SMAD7: variants seen among roughly 807,000 people sequenced by gnomAD.
SMAD7 encodes MAD (mothers against decapentaplegic, Drosophila) homolog 7.
SMAD7 carries 8 observed loss-of-function variants against 38.7 expected under a neutral mutation model. The ratio of observed to expected loss-of-function variants is 0.21; its 90% confidence interval spans 0.12 to 0.37. The LOEUF (loss-of-function observed/expected upper bound fraction) is 0.37, where lower values mean the gene tolerates loss of function less well. SMAD7 is among the 10% of genes least tolerant of loss of function. The probability of loss-of-function intolerance (pLI) is 1.00; values close to 1 mark genes in which losing one functional copy is unlikely to be tolerated. For synonymous variants in SMAD7, 327 were observed against 265.1 expected, an observed-to-expected ratio of 1.23 and a Z score of -2.27; for missense variants, 477 against 577.9, an observed-to-expected ratio of 0.83 and a Z score of 1.79.
intron 3 of SMAD7, among the ~76,000 whole-genome samples, chr18:48,940,856 G>A (rs1343979700): frequency 6.6e-6 from 1 of 151,768 alleles, no homozygotes; most frequent in Non-Finnish European, 1.5e-5. Flanking sequence ...GGGCTTCACA[G>A]GTCACATGGC....
chr18:48,922,363 G>A (rs564909900), intron 3 of SMAD7, among the ~76,000 whole-genome samples: 92 of 152,230 alleles, frequency 6.0e-4, no homozygotes, highest in African/African-American at 2.2e-3. Flanking sequence ...GAGAAAACCA[G>A]GACCCAGAAA....
chr18:48,932,007 C>G (rs538278189), intron 3 of SMAD7, among the ~76,000 whole-genome samples: 1 of 152,192 alleles, frequency 6.6e-6, no homozygotes, highest in Non-Finnish European at 1.5e-5. Flanking sequence ...TGATTGTGCC[C>G]CCACTGAGCA....
intron 3 of SMAD7, among the ~76,000 whole-genome samples, chr18:48,936,404 C>T (rs926515960): frequency 3.3e-5 from 5 of 152,220 alleles, no homozygotes; most frequent in South Asian, 4.1e-4. Context: ...TGAATACATT[C>T]GGTGAACTGT....
intron 2 of SMAD7, among the ~76,000 whole-genome samples, chr18:48,943,964 G>T (rs747276910): frequency 5.3e-5 from 8 of 152,180 alleles, no homozygotes; most frequent in Non-Finnish European, 1.0e-4. Flanking sequence ...AGGCAGGCGT[G>T]GGGGTGAGGT....
intron 3 of SMAD7, among the ~76,000 whole-genome samples, chr18:48,922,851 C>T (rs1305380505): frequency 3.3e-5 from 5 of 152,184 alleles, no homozygotes; most frequent in East Asian, 3.9e-4. Flanking sequence ...CTGCAGGCCC[C>T]GCCCCGCTTC....
chr18:48,947,335 A>G (rs2070206330), intron 2 of SMAD7, among the ~76,000 whole-genome samples: 1 of 152,228 alleles, frequency 6.6e-6, no homozygotes, highest in South Asian at 2.1e-4. Flanking sequence ...TTAATTTATG[A>G]CAACGCCCCA....
At chr18:48,927,010 G>A (rs972527658) in intron 3 of SMAD7, among the ~76,000 whole-genome samples, 1 of 152,146 alleles carries the variant, frequency 6.6e-6, no homozygotes, top group East Asian at 1.9e-4. Context: ...ATAGAGACGC[G>A]TAAAACTTGC....
Position 48,950,608 on chromosome 18 carries a change from G to C in SMAD7, c.-184C>G. On this transcript the variant is annotated 5_prime_UTR_variant, in exon 1 of 4. Transcript: ENST00000262158. ...GCTCCGTGGCATGCGCCAGTCTCCCGGAGGCCGGGGCGCGCGCGGGGGCCC... is the reference window on the plus strand; with the variant it reads ...GCTCCGTGGCATGCGCCAGTCTCCCCGAGGCCGGGGCGCGCGCGGGGGCCC... 2.8e-6 allele frequency: 1 copy of C among 362,158 alleles called. No homozygotes were observed. Among genetic ancestry groups the C allele is most frequent in the East Asian group, 5.2e-5 (1 of 19,402 alleles). 22.4% of individuals were successfully genotyped at this position (362,158 alleles called of 1,614,324 possible). A position where few individuals can be genotyped will look rare whatever the true frequency, so the allele number is the denominator to read the frequency against.
intron 3 of SMAD7, among the ~76,000 whole-genome samples, chr18:48,925,825 C>A (rs1265695082): frequency 6.6e-6 from 1 of 152,086 alleles, no homozygotes; most frequent in Admixed American, 6.5e-5. Flanking sequence ...CGGCTCACTG[C>A]AAGCTCCGCC....
intron 3 of SMAD7, among the ~76,000 whole-genome samples, chr18:48,941,405 A>G (rs1044903984): frequency 6.6e-6 from 1 of 152,178 alleles, no homozygotes; most frequent in African/African-American, 2.4e-5. Context: ...TGAAGAGGAG[A>G]GCCGGGGAGG....
At chr18:48,940,913 G>C (rs767567057) in intron 3 of SMAD7, among the ~76,000 whole-genome samples, 1 of 152,068 alleles carries the variant, frequency 6.6e-6, no homozygotes, top group Non-Finnish European at 1.5e-5. Flanking sequence ...GCCTGGTGTC[G>C]TCATTTCCTC....
At position 48,950,564 on chromosome 18, in the gene SMAD7, C is replaced by A; in HGVS notation, c.-140G>T. ...GCAGCAGCAGGGGCCCGGGCAGGAGCGGCGGCGGCCCGAGGGGCGCTCCGT... is the reference window on the plus strand; with the variant it reads ...GCAGCAGCAGGGGCCCGGGCAGGAGAGGCGGCGGCCCGAGGGGCGCTCCGT... On this transcript the variant is annotated 5_prime_UTR_variant, in exon 1 of 4. Transcript: ENST00000262158. The A allele has an allele frequency of 1.3e-6, 1 of 757,978 alleles. No homozygotes were observed. The highest frequency in any genetic ancestry group is 1.9e-6 in the Non-Finnish European group (1 of 534,548). The allele number at this position is 757,978 out of a possible 1,614,324, so 47.0% of individuals were successfully genotyped here. A position where few individuals can be genotyped will look rare whatever the true frequency, so the allele number is the denominator to read the frequency against.
chr18:48,939,427 AG>A (rs1176298808), intron 3 of SMAD7, among the ~76,000 whole-genome samples: 2 of 108,050 alleles, frequency 1.9e-5, no homozygotes, highest in Non-Finnish European at 3.5e-5. Flanking sequence ...TCCAACCTGC[AG>A]CCAGCAGCCC....
chr18:48,949,936 G>T lies in SMAD7; in HGVS notation c.489C>A (p.Phe163Leu). ...AGGAATGCCTGAGATCCGGCCACCT[G>T]AACACTTTGCACAGCAGGAGGGGGA... ...YSLPLLLCKV[F>L]RWPDLRHSSE... is the part of the protein sequence containing the mutation. Residue 163 changes from phenylalanine (F) to leucine (L), a missense_variant, in exon 1 of 4, where the codon TTC (phenylalanine) becomes TTA (leucine). Phe to Leu is a conservative substitution (Grantham distance 22). Around this residue, in one of 2 missense-constraint regions of SMAD7, gnomAD observed 376 missense variants for 379.4 expected, o/e 0.99. Transcript: ENST00000262158. 1 of 1,613,482 alleles carries T rather than the reference G, an allele frequency of 6.2e-7. No homozygotes were observed. Among genetic ancestry groups the T allele is most frequent in the Non-Finnish European group, 8.5e-7 (1 of 1,179,916 alleles).
chr18:48,923,096 G>A (rs985820367), intron 3 of SMAD7, among the ~76,000 whole-genome samples: 1 of 152,190 alleles, frequency 6.6e-6, no homozygotes, highest in Non-Finnish European at 1.5e-5. Flanking sequence ...TGTGGCAGCA[G>A]GGTGGAGACC....
chr18:48,922,584 T>TG (rs1409939203), intron 3 of SMAD7, among the ~76,000 whole-genome samples: 2 of 152,200 alleles, frequency 1.3e-5, no homozygotes, highest in African/African-American at 4.8e-5. Flanking sequence ...AGTCTCAGTG[T>TG]GTCAGCAGCA....
In SMAD7 at chr18:48,921,001, C is replaced by T. The variant is rs926792683; in HGVS notation, c.*371G>A. 5 of 240,240 alleles carry T rather than the reference C, an allele frequency of 2.1e-5. No individual in the cohort carries two copies. The highest frequency in any genetic ancestry group is 3.3e-5 in the Non-Finnish European group (4 of 122,970). 14.9% of individuals were successfully genotyped at this position (240,240 alleles called of 1,614,324 possible). A position where few individuals can be genotyped will look rare whatever the true frequency, so the allele number is the denominator to read the frequency against. On this transcript the variant is annotated 3_prime_UTR_variant, in exon 4 of 4. Coordinates refer to ENST00000262158, the MANE Select transcript of SMAD7 (RefSeq NM_005904.4). The surrounding 1 kb of genome is among the most constrained non-coding windows in gnomAD (Gnocchi z 6.4). ...TCCCCATCTGCCGCTCCTGCACACG[C>T]GTGCACACACAGCCGCACACTCACA...
chr18:48,949,772 C>T, intron 1 of SMAD7, 40 bp downstream of exon 1: 2 of 1,531,858 alleles, frequency 1.3e-6, no homozygotes, highest in South Asian at 1.3e-5. Context: ...CCAGCACTGG[C>T]GCTCCGGAAA....
chr18:48,923,783 GC>G (rs2069893188), intron 3 of SMAD7, among the ~76,000 whole-genome samples: 1 of 152,148 alleles, frequency 6.6e-6, no homozygotes, highest in Non-Finnish European at 1.5e-5. Context: ...ATGTGCGTGT[GC>G]AAGACTGTGT....
Sources: allele counts gnomAD v4.1 joint callset (sites outside exome capture counted in the v4.1 genomes callset), GRCh38; gene constraint gnomAD v4.1.1; regional missense constraint gnomAD v4.1.1; non-coding constraint Gnocchi (gnomAD v3.1); transcripts MANE v1.5; gene names NCBI Gene and HGNC (gene_info 2026-07-23, HGNC 2026-07-21).